NIT2: variants seen among roughly 807,000 people sequenced by gnomAD.
NIT2 encodes the protein nitrilase family member 2, also known as omega-amidase NIT2.
NIT2 carries 46 observed loss-of-function variants against 42.7 expected under a neutral mutation model. That is an observed-to-expected ratio of 1.08 (90% CI 0.85 to 1.38). The LOEUF (loss-of-function observed/expected upper bound fraction) is 1.38. Among genes scored for constraint, NIT2 ranks in the 40% most tolerant of loss-of-function variants. The pLI, the probability that NIT2 is intolerant of heterozygous loss-of-function variation, is 0.00. For missense variants in NIT2, 309 were observed against 342.5 expected, an observed-to-expected ratio of 0.90 and a Z score of 0.77; for synonymous variants, 123 against 121.9, an observed-to-expected ratio of 1.01 and a Z score of -0.06.
chr3:100,350,319 G>A (rs1316090839), intron 7 of NIT2, among the ~76,000 whole-genome samples: 1 of 152,194 alleles, frequency 6.6e-6, no homozygotes, highest in Non-Finnish European at 1.5e-5. Context: ...TAAGTCTCGA[G>A]GGCTCCGAGG....
At position 100,360,756 on chromosome 3, in the gene NIT2, T is replaced by A. The variant is rs1337305166; in HGVS notation, c.*5488T>A. 6.6e-6 allele frequency: 1 copy of A among 152,224 alleles called. No homozygotes were observed. Among genetic ancestry groups the A allele is most frequent in the African/African-American group, 2.4e-5 (1 of 41,446 alleles). The allele number at this position is 152,224 out of a possible 1,614,324, so 9.4% of individuals were successfully genotyped here. A position where few individuals can be genotyped will look rare whatever the true frequency, so the allele number is the denominator to read the frequency against. On this transcript the variant is annotated 3_prime_UTR_variant, in exon 10 of 10. Coordinates refer to ENST00000394140, the MANE Select transcript of NIT2 (RefSeq NM_020202.5). The stretch of plus-strand genomic sequence containing the variant: ...GGGAGTCAGTTCTCCATACATTTTG[T>A]GAGTAGAGGCATTGGTGTTTTGTTC...
Position 100,355,345 on chromosome 3 carries a change from A to G in NIT2, c.*77A>G, listed in dbSNP as rs1706316134. On this transcript the variant is annotated 3_prime_UTR_variant, in exon 10 of 10. Coordinates refer to ENST00000394140, the MANE Select transcript of NIT2 (RefSeq NM_020202.5). ...AATCAACTCCCTATTAAATTCTTTAATGAAGATTTTTTTTTTAATTCGGCC... is the reference window on the plus strand; with the variant it reads ...AATCAACTCCCTATTAAATTCTTTAGTGAAGATTTTTTTTTTAATTCGGCC... 5 of 1,169,542 alleles carry G rather than the reference A, an allele frequency of 4.3e-6. No homozygotes were observed. The highest frequency in any genetic ancestry group is 6.2e-6 in the Non-Finnish European group (5 of 810,380). 72.4% of individuals were successfully genotyped at this position (1,169,542 alleles called of 1,614,324 possible).
At chr3:100,336,520 G>C (rs374930271) in intron 1 of NIT2, among the ~76,000 whole-genome samples, 69 of 152,264 alleles carry the variant, frequency 4.5e-4, no homozygotes, top group African/African-American at 1.6e-3. Flanking sequence ...GGTGTTTCTC[G>C]GAGAGGGGGA....
At chr3:100,351,376 T>C (rs1354267302) in intron 7 of NIT2, among the ~76,000 whole-genome samples, 3 of 151,800 alleles carry the variant, frequency 2.0e-5, no homozygotes, top group African/African-American at 4.9e-5. Flanking sequence ...GCTACAGTAA[T>C]CAAAACAGCA....
intron 4 of NIT2, among the ~76,000 whole-genome samples, chr3:100,343,264 A>G (rs1706175773): frequency 6.6e-6 from 1 of 151,670 alleles, no homozygotes; most frequent in African/African-American, 2.4e-5. Flanking sequence ...TGTGTTTGGG[A>G]AGTTTTTTGA....
chr3:100,334,762 G>A lies in NIT2; in HGVS notation c.-30G>A. 7.8e-7 allele frequency: 1 copy of A among 1,287,288 alleles called. No homozygotes were observed. The highest frequency in any genetic ancestry group is 9.9e-7 in the Non-Finnish European group (1 of 1,011,400). The allele number at this position is 1,287,288 out of a possible 1,614,324, so 79.7% of individuals were successfully genotyped here. A position where few individuals can be genotyped will look rare whatever the true frequency, so the allele number is the denominator to read the frequency against. ...CCGCCGGATCTCCAGCGCTCAGTCCGCGCCGCAGGTGGTGCTTGTCTGCAG... is the reference window on the plus strand; with the variant it reads ...CCGCCGGATCTCCAGCGCTCAGTCCACGCCGCAGGTGGTGCTTGTCTGCAG... On this transcript the variant is annotated 5_prime_UTR_variant, in exon 1 of 10. Coordinates refer to ENST00000394140, the MANE Select transcript of NIT2 (RefSeq NM_020202.5).
At chr3:100,346,920 A>C (rs375535488) in intron 6 of NIT2, among the ~76,000 whole-genome samples, 5 of 152,008 alleles carry the variant, frequency 3.3e-5, no homozygotes, top group African/African-American at 1.2e-4. Flanking sequence ...CTGCCTGCTC[A>C]GAAGGTGGAG....
intron 1 of NIT2, among the ~76,000 whole-genome samples, chr3:100,338,051 A>G (rs1706098538): frequency 6.6e-6 from 1 of 152,214 alleles, no homozygotes; most frequent in African/African-American, 2.4e-5. Flanking sequence ...AGCCTAGGCG[A>G]CAGAACAAGG....
At chr3:100,354,459 A>G (rs1463250420) in intron 8 of NIT2, among the ~76,000 whole-genome samples, 1 of 152,220 alleles carries the variant, frequency 6.6e-6, no homozygotes, top group African/African-American at 2.4e-5. Context: ...CTCTATTGCC[A>G]GATCTTTATA....
intron 7 of NIT2, among the ~76,000 whole-genome samples, chr3:100,352,076 G>C (rs1706280721): frequency 6.6e-6 from 1 of 152,212 alleles, no homozygotes. Flanking sequence ...TCTCACACCA[G>C]TTAGAATGGC....
intron 1 of NIT2, among the ~76,000 whole-genome samples, chr3:100,336,835 T>G (rs547856387): frequency 4.3e-4 from 65 of 152,268 alleles, no homozygotes; most frequent in African/African-American, 1.3e-3. Context: ...AAAGAGGCGT[T>G]CCTTCCTCTT....
intron 7 of NIT2, 73 bp downstream of exon 7, chr3:100,348,954 T>C: frequency 2.3e-6 from 3 of 1,288,724 alleles, no homozygotes; most frequent in Non-Finnish European, 3.4e-6. Flanking sequence ...TGGGTGGAGG[T>C]GCCAGCCTTC....
At chr3:100,336,688 G>T (rs554902518) in intron 1 of NIT2, among the ~76,000 whole-genome samples, 1 of 152,160 alleles carries the variant, frequency 6.6e-6, no homozygotes, top group South Asian at 2.1e-4. Flanking sequence ...ATTGCTGCCC[G>T]CCTGTCCCCC....
chr3:100,342,205 T>C (rs1033358740), intron 4 of NIT2, among the ~76,000 whole-genome samples: 1 of 152,224 alleles, frequency 6.6e-6, no homozygotes, highest in South Asian at 2.1e-4. Context: ...TTATGCCTAA[T>C]GTTTGCTGGT....
At chr3:100,346,386 C>G (rs1194365648) in intron 6 of NIT2, 131 bp downstream of exon 6, 1 of 745,314 alleles carries the variant, frequency 1.3e-6, no homozygotes, top group Non-Finnish European at 2.2e-6. Context: ...CCTTTCACCC[C>G]CATGAGGCTT....
At chr3:100,335,155 C>T (rs903698424) in intron 1 of NIT2, 7 of 316,472 alleles carry the variant, frequency 2.2e-5, no homozygotes, top group African/African-American at 1.6e-4. Flanking sequence ...TGCGTGACCT[C>T]CTCCAGCCCC....
At chr3:100,342,340 A>T (rs762223662) in intron 4 of NIT2, among the ~76,000 whole-genome samples, 32 of 152,236 alleles carry the variant, frequency 2.1e-4, no homozygotes, top group Non-Finnish European at 3.8e-4. Flanking sequence ...TGTGTCTTTT[A>T]ATTGAAGTGG....
chr3:100,359,581 T>C lies in NIT2; in HGVS notation c.*4313T>C, dbSNP rs1706356817. 1 of 152,226 alleles carries C rather than the reference T, an allele frequency of 6.6e-6. No homozygotes were observed. The highest frequency in any genetic ancestry group is 1.5e-5 in the Non-Finnish European group (1 of 68,048). 9.4% of individuals were successfully genotyped at this position (152,226 alleles called of 1,614,324 possible). On this transcript the variant is annotated 3_prime_UTR_variant, in exon 10 of 10. Coordinates refer to ENST00000394140, the MANE Select transcript of NIT2 (RefSeq NM_020202.5). ...GTCCATGTGGCCTCTCTCAACACCA[T>C]TGGTGTGACCTTGCTCATACTGCCT...
Position 100,339,100 on chromosome 3 carries a change from C to T in NIT2, c.21C>T (p.Ala7=), listed in dbSNP as rs1480273690. The change falls in exon 2 of 10, where the codon GCC becomes GCT. Residue 7 remains alanine (A), a synonymous_variant. Coordinates refer to ENST00000394140, the MANE Select transcript of NIT2 (RefSeq NM_020202.5). ...CTTTGTTCTCAGCTTTCCGCTTGGC[C>T]CTCATCCAGCTTCAGATTTCTTCCA... MTSFRL[A]LIQLQISSIK... The T allele has an allele frequency of 6.2e-6, 10 of 1,612,808 alleles. No individual in the cohort carries two copies. Among genetic ancestry groups the T allele is most frequent in the South Asian group, 1.1e-5 (1 of 91,058 alleles).
Sources: allele counts gnomAD v4.1 joint callset (sites outside exome capture counted in the v4.1 genomes callset), GRCh38; gene constraint gnomAD v4.1.1; transcripts MANE v1.5; gene names NCBI Gene and HGNC (gene_info 2026-07-23, HGNC 2026-07-21).